Variants in PRELID2 observed in about 807,000 individuals in gnomAD.
PRELID2 encodes the protein PRELI domain containing 2, also known as PRELI domain-containing protein 2.
In PRELID2, 25 loss-of-function variants were observed where a neutral mutation model predicts 28.4. The ratio of observed to expected loss-of-function variants is 0.88; its 90% CI spans 0.64 to 1.23. PRELID2 has a LOEUF of 1.23. PRELID2 is among the 50% of genes most tolerant of loss of function. PRELID2 has a pLI of 0.00. For missense variants in PRELID2, 201 were observed against 214.4 expected (o/e 0.94, Z 0.39); for synonymous variants, 76 against 71.6 (o/e 1.06, Z -0.31).
chr5:145,795,559 A>G (rs1752683765), intron 5 of PRELID2: 1 of 152,194 alleles, frequency 6.6e-6, no homozygotes, highest in Non-Finnish European at 1.5e-5. Flanking sequence ...TCTGAGGGTC[A>G]TAACAATGGT....
intron 5 of PRELID2, among the ~76,000 whole-genome samples, chr5:145,776,891 A>G (rs1044931216): frequency 1.3e-5 from 2 of 152,242 alleles, no homozygotes; most frequent in African/African-American, 4.8e-5. Context: ...CAAATCTACC[A>G]TCTGTCTTTA....
At chr5:145,383,474 C>A in the PRELID2 span, among the ~76,000 whole-genome samples, 12 of 149,868 alleles carry the variant, frequency 8.0e-5, no homozygotes, top group Non-Finnish European at 1.8e-4. Flanking sequence ...AACTAATAAT[C>A]AAATAGATAA....
At chr5:145,378,328 G>A in the PRELID2 span, among the ~76,000 whole-genome samples, 1 of 152,030 alleles carries the variant, frequency 6.6e-6, no homozygotes, top group Non-Finnish European at 1.5e-5. Flanking sequence ...TGAATGTTGG[G>A]CTCTCTATCT....
In PRELID2 at chr5:145,670,095, G is replaced by T. The variant is rs144901796; in HGVS notation, n.70+94836C>A. On this transcript the variant is annotated intron_variant and non_coding_transcript_variant, in intron 1 of 2. Transcript: ENST00000510259. ...CATCACTATAAAGAAATATCTGAGGGTGGGTAATTTATAAACAAAAGAGGT... is the reference window on the plus strand; with the variant it reads ...CATCACTATAAAGAAATATCTGAGGTTGGGTAATTTATAAACAAAAGAGGT... 1.4e-4 allele frequency among the ~76,000 whole-genome samples: 22 copies of T among 152,228 alleles called. No homozygotes were observed. In the East Asian group the frequency reaches 4.0e-3, roughly 28 times the overall value.
the PRELID2 span, among the ~76,000 whole-genome samples, chr5:145,247,231 A>C: frequency 6.6e-6 from 1 of 151,860 alleles, no homozygotes; most frequent in Admixed American, 6.6e-5. Context: ...ACCAATCATC[A>C]CTCCTCAATT....
chr5:145,419,827 A>T, the PRELID2 span, among the ~76,000 whole-genome samples: 4 of 151,812 alleles, frequency 2.6e-5, no homozygotes, highest in Non-Finnish European at 5.9e-5. Flanking sequence ...CTGAATGGTA[A>T]TGCCTAGGTT....
intron 1 of PRELID2, among the ~76,000 whole-genome samples, chr5:145,582,435 C>G (rs114444891): frequency 0.011 from 1,719 of 152,048 alleles, 30 homozygotes; most frequent in African/African-American, 0.038. Context: ...ATCACAAGAA[C>G]AGCAAGGGGG....
At chr5:145,289,336 T>C in the PRELID2 span, among the ~76,000 whole-genome samples, 6 of 152,174 alleles carry the variant, frequency 3.9e-5, no homozygotes, top group South Asian at 8.3e-4. Context: ...GAATATCATA[T>C]AAATTGAATA....
the PRELID2 span, among the ~76,000 whole-genome samples, chr5:145,324,009 T>C: frequency 2.6e-5 from 4 of 152,350 alleles, no homozygotes; most frequent in South Asian, 2.1e-4. Context: ...CAAATGGTAA[T>C]TCTATTTGAA....
chr5:145,379,092 A>G, the PRELID2 span, among the ~76,000 whole-genome samples: 1 of 152,182 alleles, frequency 6.6e-6, no homozygotes, highest in African/African-American at 2.4e-5. Context: ...TAGGGGGCCA[A>G]TGCACAGCCC....
chr5:145,680,785 A>G (rs576420684), intron 1 of PRELID2, among the ~76,000 whole-genome samples: 1 of 152,074 alleles, frequency 6.6e-6, no homozygotes, highest in South Asian at 2.1e-4. Flanking sequence ...CAACCAAAAT[A>G]CATTTTCAGG....
At chr5:145,376,525 C>T in the PRELID2 span, among the ~76,000 whole-genome samples, 4 of 152,058 alleles carry the variant, frequency 2.6e-5, no homozygotes, top group Non-Finnish European at 5.9e-5. Flanking sequence ...TCCATCTGTT[C>T]CTGGGCTTTT....
chr5:145,424,684 T>C, the PRELID2 span, among the ~76,000 whole-genome samples: 7 of 152,170 alleles, frequency 4.6e-5, no homozygotes. Context: ...ACCCGTCTTC[T>C]GTGTCGCTCA....
intron 1 of PRELID2, among the ~76,000 whole-genome samples, chr5:145,641,929 G>A (rs1754114151): frequency 6.6e-6 from 1 of 152,216 alleles, no homozygotes; most frequent in Non-Finnish European, 1.5e-5. Flanking sequence ...GGACATTTGG[G>A]TTGGTTCCAA....
chr5:145,442,719 T>C, the PRELID2 span, among the ~76,000 whole-genome samples: 2 of 152,050 alleles, frequency 1.3e-5, no homozygotes, highest in Non-Finnish European at 2.9e-5. Context: ...TATACAGAGA[T>C]AAGAATTTAC....
intron 1 of PRELID2, among the ~76,000 whole-genome samples, chr5:145,559,543 C>A (rs1752909116): frequency 6.6e-6 from 1 of 152,108 alleles, no homozygotes; most frequent in South Asian, 2.1e-4. Context: ...AAATCTATAG[C>A]AATGCATCTT....
chr5:145,287,700 T>C, the PRELID2 span, among the ~76,000 whole-genome samples: 2 of 152,192 alleles, frequency 1.3e-5, no homozygotes, highest in South Asian at 4.1e-4. Context: ...CTTACATCAG[T>C]ATGGCACTTT....
At chr5:145,412,037 C>A in the PRELID2 span, among the ~76,000 whole-genome samples, 56 of 152,240 alleles carry the variant, frequency 3.7e-4, no homozygotes, top group Middle Eastern at 3.4e-3. Context: ...GGGCCCAGGC[C>A]AGAAAACCAT....
intron 1 of PRELID2, among the ~76,000 whole-genome samples, chr5:145,545,238 T>A (rs2126675857): frequency 6.6e-6 from 1 of 152,188 alleles, no homozygotes; most frequent in African/African-American, 2.4e-5. Flanking sequence ...AATGACAAAT[T>A]TACTTAAAGG....
Sources: allele counts gnomAD v4.1 joint callset (sites outside exome capture counted in the v4.1 genomes callset), GRCh38; gene constraint gnomAD v4.1.1; transcripts MANE v1.5; gene names NCBI Gene and HGNC (gene_info 2026-07-23, HGNC 2026-07-21).